Variants in FSD1L observed in about 807,000 individuals in gnomAD.
The protein encoded by FSD1L is fibronectin type III and SPRY domain containing 1 like, also known as FSD1-like protein.
In FSD1L, 45 loss-of-function variants were observed where a neutral mutation model predicts 71.6. The ratio of observed to expected loss-of-function variants is 0.63; its 90% CI spans 0.49 to 0.81. The LOEUF (loss-of-function observed/expected upper bound fraction) is 0.81, where lower values mean the gene tolerates loss of function less well. Ranked by LOEUF, FSD1L falls within the 30% of genes least tolerant of loss-of-function variation. The pLI is 0.00. For synonymous variants in FSD1L, 197 were observed against 207.2 expected (o/e 0.95, Z 0.42); for missense variants, 561 against 618.1 (o/e 0.91, Z 0.98).
chr9:105,507,493 T>C (rs1564123665), intron 8 of FSD1L, among the ~76,000 whole-genome samples: 3 of 152,212 alleles, frequency 2.0e-5, no homozygotes, highest in Admixed American at 1.3e-4. Context: ...ACAACAATTA[T>C]GAAGTTGGCT....
chr9:105,521,591 T>G lies in FSD1L; in HGVS notation c.1025+8655T>G. ...AATGGATCCAACAAGAGGAAAAACC[T>G]TTGTTCATGCAAGAGCCTGAAGAAA... On this transcript the variant is annotated intron_variant, in intron 10 of 13. Transcript: ENST00000481272. The G allele has an allele frequency of 2.5e-6, 4 of 1,613,392 alleles. No homozygotes were observed. The South Asian group carries it at 3.3e-5, about 13-fold the overall frequency.
At chr9:105,503,330 C>T (rs1833877634) in intron 7 of FSD1L, among the ~76,000 whole-genome samples, 1 of 151,988 alleles carries the variant, frequency 6.6e-6, no homozygotes, top group Non-Finnish European at 1.5e-5. Context: ...CCATAAATGC[C>T]ACTATAATGT....
chr9:105,495,162 G>A (rs1833276007), intron 7 of FSD1L, among the ~76,000 whole-genome samples: 2 of 152,238 alleles, frequency 1.3e-5, no homozygotes, highest in African/African-American at 2.4e-5. Context: ...CCCAGTTTGA[G>A]CTTCCCGGCT....
At chr9:105,519,515 T>C (rs190988374) in intron 10 of FSD1L, among the ~76,000 whole-genome samples, 2 of 152,268 alleles carry the variant, frequency 1.3e-5, no homozygotes, top group Non-Finnish European at 2.9e-5. Context: ...TCAATAAATA[T>C]AATCCATCAC....
At chr9:105,496,120 T>G (rs1833382560) in intron 7 of FSD1L, among the ~76,000 whole-genome samples, 1 of 152,108 alleles carries the variant, frequency 6.6e-6, no homozygotes, top group Admixed American at 6.6e-5. Flanking sequence ...CCTATCTTAC[T>G]GTTTCTTTCA....
At chr9:105,474,271 G>A (rs918012776) in intron 5 of FSD1L, among the ~76,000 whole-genome samples, 1 of 152,112 alleles carries the variant, frequency 6.6e-6, no homozygotes, top group African/African-American at 2.4e-5. Context: ...AACATAGAAA[G>A]GGTATAGTAA....
In FSD1L at chr9:105,546,543, C is replaced by G. The variant is rs1487534461; in HGVS notation, c.*60C>G. On this transcript the variant is annotated 3_prime_UTR_variant, in exon 14 of 14. Coordinates refer to ENST00000481272, the MANE Select transcript of FSD1L (RefSeq NM_001145313.3). ...TTAGGTGGCCTTTTCTGTGCAGTTA[C>G]TAATCACAGGAATTTGGTAGTAGTG... The G allele has an allele frequency of 2.8e-6, 4 of 1,441,304 alleles. No individual in the cohort carries two copies. The highest frequency in any genetic ancestry group is 2.9e-5 in the Admixed American group (1 of 34,732). The allele number at this position is 1,441,304 out of a possible 1,614,324, so 89.3% of individuals were successfully genotyped here. A position where few individuals can be genotyped will look rare whatever the true frequency, so the allele number is the denominator to read the frequency against.
At chr9:105,458,299 T>G (rs564058385) in intron 1 of FSD1L, among the ~76,000 whole-genome samples, 3 of 152,138 alleles carry the variant, frequency 2.0e-5, no homozygotes, top group Non-Finnish European at 2.9e-5. Flanking sequence ...CTTGGTGAGC[T>G]GGCCAGGAAC....
chr9:105,442,679 C>A, the FSD1L span, among the ~76,000 whole-genome samples: 1 of 151,344 alleles, frequency 6.6e-6, no homozygotes, highest in Non-Finnish European at 1.5e-5. Flanking sequence ...CAGAGCCAGA[C>A]CCTGTCTCAA....
At chr9:105,442,985 T>C (rs1829567063), upstream of FSD1L, among the ~76,000 whole-genome samples, 3 of 152,236 alleles carry the variant, frequency 2.0e-5, no homozygotes, top group South Asian at 6.2e-4. Flanking sequence ...TTGAAGGCAA[T>C]GATCATATCC....
At chr9:105,517,901 ATATTC>A (rs1834836256) in intron 10 of FSD1L, among the ~76,000 whole-genome samples, 1 of 152,224 alleles carries the variant, frequency 6.6e-6, no homozygotes, top group African/African-American at 2.4e-5. Context: ...TCAGTATGCT[ATATTC>A]AGGAGACCCA....
chr9:105,510,540 G>A (rs889883316), intron 9 of FSD1L, among the ~76,000 whole-genome samples: 1 of 152,182 alleles, frequency 6.6e-6, no homozygotes, highest in Admixed American at 6.5e-5. Flanking sequence ...GAGAAAGGAA[G>A]AAAGGTGGAG....
At chr9:105,491,733 C>T (rs370384361) in intron 7 of FSD1L, among the ~76,000 whole-genome samples, 16 of 151,944 alleles carry the variant, frequency 1.1e-4, no homozygotes, top group Non-Finnish European at 2.4e-4. Context: ...TGTCAAAGGC[C>T]TTTTCTGCAT....
At chr9:105,538,237 T>G (rs1589108195) in intron 12 of FSD1L, among the ~76,000 whole-genome samples, 2 of 152,316 alleles carry the variant, frequency 1.3e-5, no homozygotes, top group East Asian at 3.9e-4. Context: ...TTTACTAACT[T>G]TGTGATCATA....
rs1351786864 is a variant in FSD1L, at chr9:105,503,537, C to T, written c.587-2862C>T. Among the ~76,000 whole-genome samples the T allele has an allele frequency of 2.0e-5, 3 of 152,180 alleles. No individual in the cohort carries two copies. In the East Asian group the frequency reaches 5.8e-4, roughly 29 times the overall value. ...AGTCTGGCAATGCTGATGCCACTTA[C>T]CTTTTACATTCAGGTGCAGAGAAAA... is the stretch of plus-strand genomic sequence containing the variant. On this transcript the variant is annotated intron_variant, in intron 7 of 13. Transcript: ENST00000481272.
intron 5 of FSD1L, among the ~76,000 whole-genome samples, chr9:105,474,981 G>A (rs1804162058): frequency 1.3e-5 from 2 of 152,096 alleles, no homozygotes; most frequent in East Asian, 1.9e-4. Context: ...TTATGCAGAC[G>A]GATCACCAGC....
intron 5 of FSD1L, among the ~76,000 whole-genome samples, chr9:105,478,101 C>T (rs771578470): frequency 2.6e-5 from 4 of 152,002 alleles, no homozygotes; most frequent in Non-Finnish European, 4.4e-5. Context: ...AAAAATTTGC[C>T]GGGCGTGGTG....
the FSD1L span, among the ~76,000 whole-genome samples, chr9:105,442,256 C>T: frequency 3.3e-5 from 5 of 152,066 alleles, no homozygotes; most frequent in African/African-American, 9.7e-5. Flanking sequence ...ATGGGAGTGA[C>T]GGTGGGGAGA....
intron 1 of FSD1L, among the ~76,000 whole-genome samples, chr9:105,455,500 A>G (rs1697844393): frequency 6.6e-6 from 1 of 152,224 alleles, no homozygotes; most frequent in Non-Finnish European, 1.5e-5. Flanking sequence ...GGAATGTTAC[A>G]TGCTGATTTG....
Sources: allele counts gnomAD v4.1 joint callset (sites outside exome capture counted in the v4.1 genomes callset), GRCh38; gene constraint gnomAD v4.1.1; transcripts MANE v1.5; gene names NCBI Gene and HGNC (gene_info 2026-07-23, HGNC 2026-07-21).